HIP1: variants seen among roughly 807,000 people sequenced by gnomAD.
HIP1 encodes huntingtin-interacting protein 1.
Under a neutral mutation model 147.6 loss-of-function variants are expected in HIP1, and 65 were observed. That is an observed-to-expected ratio of 0.44 (90% confidence interval 0.36 to 0.54). The LOEUF is 0.54. Among genes scored for constraint, HIP1 ranks in the 20% least tolerant of loss-of-function variants. The pLI is 0.00. For synonymous variants in HIP1, 479 were observed against 504.0 expected (o/e 0.95, Z 0.67); for missense variants, 1,061 against 1,299.6 (o/e 0.82, Z 2.82).
chr7:75,708,109 TTAAAC>T (rs1801056426), intron 1 of HIP1, among the ~76,000 whole-genome samples: 1 of 148,634 alleles, frequency 6.7e-6, no homozygotes, highest in South Asian at 2.1e-4. Flanking sequence ...TGGGATCTAA[TTAAAC>T]TAAAGAGCTT....
intron 27 of HIP1, 85 bp downstream of exon 27, chr7:75,544,610 C>G (rs1389837736): frequency 3.7e-6 from 3 of 817,678 alleles, no homozygotes; most frequent in Non-Finnish European, 6.4e-6. Flanking sequence ...CAAGTACTGC[C>G]TAACGCAGCC....
At chr7:75,607,256 G>T (rs1797263008) in intron 1 of HIP1, among the ~76,000 whole-genome samples, 1 of 141,048 alleles carries the variant, frequency 7.1e-6, no homozygotes, top group Non-Finnish European at 1.5e-5. Flanking sequence ...TTGAGACAGA[G>T]TCTTGCTCTG....
At chr7:75,629,019 A>G (rs1554508471) in intron 1 of HIP1, among the ~76,000 whole-genome samples, 1 of 152,184 alleles carries the variant, frequency 6.6e-6, no homozygotes, top group Non-Finnish European at 1.5e-5. Flanking sequence ...GTGATTTTGT[A>G]AGACTTCTTC....
chr7:75,592,573 G>A, intron 2 of HIP1, 59 bp from the exon 3 acceptor site: 1 of 1,533,156 alleles, frequency 6.5e-7, no homozygotes, highest in Non-Finnish European at 8.8e-7. Flanking sequence ...AGGGGACTGA[G>A]CCTGCACCCA....
chr7:75,612,827 A>AT (rs1267382013), intron 1 of HIP1, among the ~76,000 whole-genome samples: 7 of 151,190 alleles, frequency 4.6e-5, no homozygotes, highest in Admixed American at 2.7e-4. Context: ...AATAATAATA[A>AT]TTTTTTTAAA....
At chr7:75,669,772 C>A (rs1210599646) in intron 1 of HIP1, among the ~76,000 whole-genome samples, 1 of 152,118 alleles carries the variant, frequency 6.6e-6, no homozygotes, top group Admixed American at 6.6e-5. Flanking sequence ...AATGTTTAAG[C>A]ATGTTGTAGC....
At chr7:75,699,084 C>T (rs1800732087) in intron 1 of HIP1, among the ~76,000 whole-genome samples, 1 of 151,830 alleles carries the variant, frequency 6.6e-6, no homozygotes, top group African/African-American at 2.4e-5. Flanking sequence ...TATGCAGTAA[C>T]TATGTTTTAA....
rs140305342 is a variant in HIP1, at chr7:75,607,529, TAA to T, written c.121-8284_121-8283del. ...CAGACATGAGCCACCATGCCCAGCCTAAAAAAAAAAAAAAAAAAAAAAATTTG... is the reference window on the plus strand; with the variant it reads ...CAGACATGAGCCACCATGCCCAGCCTAAAAAAAAAAAAAAAAAAAAATTTG... On this transcript the variant is annotated intron_variant, in intron 1 of 30. Coordinates refer to ENST00000336926, the MANE Select transcript of HIP1 (RefSeq NM_005338.7). Among the ~76,000 whole-genome samples, 421 of 107,384 alleles carry T rather than the reference TAA, an allele frequency of 3.9e-3. 1 individual carries two copies. The highest frequency in any genetic ancestry group is 0.023 in the East Asian group (77 of 3,334). The allele number at this position is 107,384 out of a possible 152,430, so 70.4% of individuals were successfully genotyped here.
At chr7:75,641,389 C>G (rs1798648560) in intron 1 of HIP1, among the ~76,000 whole-genome samples, 1 of 152,120 alleles carries the variant, frequency 6.6e-6, no homozygotes, top group South Asian at 2.1e-4. Context: ...TCCCAAAGTG[C>G]TGGGATTACA....
intron 1 of HIP1, among the ~76,000 whole-genome samples, chr7:75,650,134 G>C (rs1276459844): frequency 6.6e-6 from 1 of 152,170 alleles, no homozygotes; most frequent in Non-Finnish European, 1.5e-5. Context: ...GGGAAGCAAA[G>C]ATCTGCCGAA....
intron 1 of HIP1, among the ~76,000 whole-genome samples, chr7:75,731,342 G>C (rs551899905): frequency 6.6e-6 from 1 of 151,740 alleles, no homozygotes; most frequent in South Asian, 2.1e-4. Context: ...AATTAGCTGG[G>C]CATGGTGGCG....
chr7:75,605,569 G>A (rs1554503704), intron 1 of HIP1, among the ~76,000 whole-genome samples: 4 of 152,188 alleles, frequency 2.6e-5, no homozygotes. Context: ...GTCTTGCCCT[G>A]TCGCCCAGGC....
In HIP1 at chr7:75,537,951, C is replaced by G. The variant is rs1193425123; in HGVS notation, c.*221G>C. The G allele has an allele frequency of 1.7e-6, 1 of 582,992 alleles. No homozygotes were observed. Among genetic ancestry groups the G allele is most frequent in the African/African-American group, 1.9e-5 (1 of 53,290 alleles). 36.1% of individuals were successfully genotyped at this position (582,992 alleles called of 1,614,324 possible). On this transcript the variant is annotated 3_prime_UTR_variant, in exon 31 of 31. Transcript: ENST00000336926. ...CAGCACTGGCCAGCCTGGATGCTAA[C>G]TAGGGAGGCGGGAAAAGAACAGAGA...
intron 1 of HIP1, among the ~76,000 whole-genome samples, chr7:75,606,163 AG>A (rs1489453721): frequency 1.3e-5 from 2 of 152,166 alleles, no homozygotes; most frequent in South Asian, 2.1e-4. Context: ...GCTATTTAAT[AG>A]CATAAAAGTA....
At chr7:75,674,105 C>T (rs1799811292) in intron 1 of HIP1, among the ~76,000 whole-genome samples, 1 of 152,192 alleles carries the variant, frequency 6.6e-6, no homozygotes, top group African/African-American at 2.4e-5. Context: ...GTTTTCTATA[C>T]ATATGAGATA....
chr7:75,582,682 C>T (rs1458252853), intron 5 of HIP1, among the ~76,000 whole-genome samples: 6 of 152,074 alleles, frequency 3.9e-5, no homozygotes, highest in African/African-American at 1.4e-4. Context: ...TGGTGGTGCA[C>T]GCCTGTAGTC....
intron 1 of HIP1, among the ~76,000 whole-genome samples, chr7:75,704,568 T>C: frequency 7.1e-6 from 1 of 140,704 alleles, no homozygotes; most frequent in South Asian, 2.2e-4. Context: ...ATCAACTGTT[T>C]CTTGTTGTTG....
chr7:75,616,566 C>T (rs587679444), intron 1 of HIP1, among the ~76,000 whole-genome samples: 112 of 148,232 alleles, frequency 7.6e-4, no homozygotes, highest in Middle Eastern at 7.0e-3. Flanking sequence ...AGCCACCATG[C>T]CTGGCTTTTT....
At chr7:75,549,555 G>A (rs1166582005) in intron 22 of HIP1, among the ~76,000 whole-genome samples, 1 of 151,346 alleles carries the variant, frequency 6.6e-6, no homozygotes, top group Non-Finnish European at 1.5e-5. Flanking sequence ...ATTTTTAGTA[G>A]AGATGGGTTT....
Sources: allele counts gnomAD v4.1 joint callset (sites outside exome capture counted in the v4.1 genomes callset), GRCh38; gene constraint gnomAD v4.1.1; transcripts MANE v1.5; gene names NCBI Gene and HGNC (gene_info 2026-07-23, HGNC 2026-07-21).